Variants in SLC49A4 observed in about 807,000 individuals in gnomAD.
The protein encoded by SLC49A4 is solute carrier family 49 member 4, also known as disrupted in renal cancer protein 2.
A neutral mutation model predicts 50.6 loss-of-function variants in SLC49A4; 36 were observed. The observed-to-expected ratio is 0.71, with a 90% CI of 0.55 to 0.94. The LOEUF (loss-of-function observed/expected upper bound fraction) is 0.94. SLC49A4 is among the 40% of genes least tolerant of loss of function. The pLI is 0.00. For missense variants in SLC49A4, 503 were observed against 605.7 expected, an observed-to-expected ratio of 0.83 and a Z score of 1.78; for synonymous variants, 248 against 241.2, an observed-to-expected ratio of 1.03 and a Z score of -0.26.
intron 2 of SLC49A4, among the ~76,000 whole-genome samples, chr3:122,813,107 G>A (rs13094281): frequency 0.094 from 14,341 of 151,852 alleles, 739 homozygotes; most frequent in East Asian, 0.14. Flanking sequence ...AAAATTAGCC[G>A]GGCGTGGAGG....
At chr3:122,807,485 TAGC>T (rs1287993865) in intron 2 of SLC49A4, among the ~76,000 whole-genome samples, 6 of 152,168 alleles carry the variant, frequency 3.9e-5, no homozygotes, top group Non-Finnish European at 8.8e-5. Context: ...TATTTGTATA[TAGC>T]AGCCTTTCTG....
chr3:122,846,702 T>A (rs565632901), intron 5 of SLC49A4, among the ~76,000 whole-genome samples: 1 of 152,338 alleles, frequency 6.6e-6, no homozygotes, highest in Non-Finnish European at 1.5e-5. Context: ...AATATTAGTC[T>A]TTTTCACTTT....
At chr3:122,840,486 A>G (rs1347497701) in intron 4 of SLC49A4, among the ~76,000 whole-genome samples, 1 of 152,198 alleles carries the variant, frequency 6.6e-6, no homozygotes, top group Non-Finnish European at 1.5e-5. Context: ...AATTAATTAG[A>G]AATAAGTAAA....
intron 5 of SLC49A4, among the ~76,000 whole-genome samples, chr3:122,847,201 A>G (rs1293947991): frequency 6.6e-6 from 1 of 152,150 alleles, no homozygotes; most frequent in Non-Finnish European, 1.5e-5. Flanking sequence ...TTGGAGATCT[A>G]TCCTTATAAA....
intron 2 of SLC49A4, among the ~76,000 whole-genome samples, chr3:122,826,222 T>C (rs921120227): frequency 1.3e-5 from 2 of 152,220 alleles, no homozygotes; most frequent in African/African-American, 4.8e-5. Context: ...TTAGAAGATA[T>C]TTTAATGAGT....
chr3:122,856,079 C>T (rs538643373), intron 5 of SLC49A4, among the ~76,000 whole-genome samples: 19 of 152,264 alleles, frequency 1.2e-4, no homozygotes, highest in African/African-American at 4.6e-4. Context: ...GCATGTAGTA[C>T]ATACTTGAAA....
chr3:122,862,205 G>A (rs1937065125), intron 7 of SLC49A4, among the ~76,000 whole-genome samples: 1 of 152,088 alleles, frequency 6.6e-6, no homozygotes, highest in African/African-American at 2.4e-5. Flanking sequence ...AAATTGTTAG[G>A]ATATATCATA....
At chr3:122,863,108 A>G (rs1937076649) in intron 7 of SLC49A4, among the ~76,000 whole-genome samples, 1 of 152,186 alleles carries the variant, frequency 6.6e-6, no homozygotes, top group Admixed American at 6.5e-5. Context: ...TGTTGTTTTC[A>G]ATTGCAAGTA....
At chr3:122,804,188 TCACTTGGTGAAAGCAGGAG>T (rs1380114107) in intron 1 of SLC49A4, among the ~76,000 whole-genome samples, 1 of 152,128 alleles carries the variant, frequency 6.6e-6, no homozygotes, top group East Asian at 1.9e-4. Context: ...AGCAGCCACA[TCACTTGGTGAAAGCAGGAG>T]CAGGAGAGAG....
chr3:122,829,224 G>A (rs1420584096), intron 3 of SLC49A4, among the ~76,000 whole-genome samples: 3 of 152,082 alleles, frequency 2.0e-5, no homozygotes, highest in Non-Finnish European at 4.4e-5. Flanking sequence ...ATCATAAAAC[G>A]GATGATATAC....
At chr3:122,800,528 A>G (rs1936115512) in intron 1 of SLC49A4, among the ~76,000 whole-genome samples, 1 of 152,068 alleles carries the variant, frequency 6.6e-6, no homozygotes, top group Non-Finnish European at 1.5e-5. Context: ...TTGGTAAGAG[A>G]TATTAAAGTA....
At position 122,844,390 on chromosome 3, in the gene SLC49A4, AC is replaced by A. The variant is rs571234961; in HGVS notation, c.834-1371del. ...ACCTGGCCAGAGCTTTTTTTAAACT[AC>A]CTACTCATTTGATGAAATAATATTG... On this transcript the variant is annotated intron_variant, in intron 4 of 8. Coordinates refer to ENST00000261038, the MANE Select transcript of SLC49A4 (RefSeq NM_032839.3). Among the ~76,000 whole-genome samples, 208 of 152,236 alleles carry A rather than the reference AC, an allele frequency of 1.4e-3. 2 individuals carry two copies. The highest frequency in any genetic ancestry group is 6.4e-3 in the South Asian group (31 of 4,830).
intron 8 of SLC49A4, among the ~76,000 whole-genome samples, chr3:122,873,183 CT>C (rs11297324): frequency 0.16 from 22,683 of 145,386 alleles, 2,033 homozygotes; most frequent in East Asian, 0.42. Flanking sequence ...AATTTTGAAA[CT>C]TTTTTTTTTT....
chr3:122,810,183 A>G (rs549755217), intron 2 of SLC49A4, among the ~76,000 whole-genome samples: 46 of 152,312 alleles, frequency 3.0e-4, no homozygotes, highest in African/African-American at 9.6e-4. Flanking sequence ...CTTAAGTATC[A>G]AGACATGAGA....
chr3:122,836,860 CAA>C (rs1209640199), intron 4 of SLC49A4, among the ~76,000 whole-genome samples: 5 of 152,172 alleles, frequency 3.3e-5, no homozygotes, highest in Non-Finnish European at 2.9e-5. Context: ...GCGACTTCAG[CAA>C]AGTCTCAGGA....
chr3:122,878,232 A>G (rs1383170099), intron 8 of SLC49A4, among the ~76,000 whole-genome samples: 2 of 152,230 alleles, frequency 1.3e-5, no homozygotes, highest in Non-Finnish European at 2.9e-5. Flanking sequence ...ACAGTGACCA[A>G]AAAAGAAAAA....
intron 7 of SLC49A4, among the ~76,000 whole-genome samples, chr3:122,870,796 A>G (rs1279616801): frequency 6.6e-6 from 1 of 151,166 alleles, no homozygotes; most frequent in African/African-American, 2.4e-5. Context: ...CCTGGGCAAC[A>G]GAGCAAGACT....
chr3:122,818,805 G>T (rs368364898), intron 2 of SLC49A4, among the ~76,000 whole-genome samples: 1 of 151,972 alleles, frequency 6.6e-6, no homozygotes, highest in Non-Finnish European at 1.5e-5. Flanking sequence ...TTAGCCGGGC[G>T]TGGTGGGGTG....
At chr3:122,857,837 A>G (rs1937007566) in intron 6 of SLC49A4, among the ~76,000 whole-genome samples, 1 of 152,152 alleles carries the variant, frequency 6.6e-6, no homozygotes, top group African/African-American at 2.4e-5. Context: ...AAGGGGGAAC[A>G]ATTATGTATC....
Sources: allele counts gnomAD v4.1 joint callset (sites outside exome capture counted in the v4.1 genomes callset), GRCh38; gene constraint gnomAD v4.1.1; transcripts MANE v1.5; gene names NCBI Gene and HGNC (gene_info 2026-07-23, HGNC 2026-07-21).